SPAM1: variants seen among roughly 807,000 people sequenced by gnomAD.
SPAM1 encodes sperm adhesion molecule 1, also known as hyaluronidase PH-20.
Under a neutral mutation model 29.6 loss-of-function variants are expected in SPAM1, and 22 were observed. The ratio of observed to expected loss-of-function variants is 0.74; its 90% confidence interval spans 0.53 to 1.06. SPAM1 has a LOEUF of 1.06. Among genes scored for constraint, SPAM1 ranks in the 50% least tolerant of loss-of-function variants. The pLI, the probability that SPAM1 is intolerant of heterozygous loss-of-function variation, is 0.00. For missense variants in SPAM1, 534 were observed against 604.0 expected (o/e 0.88, Z 1.21); for synonymous variants, 194 against 204.6 (o/e 0.95, Z 0.44).
chr7:123,961,460 C>T (rs1250776447), downstream of SPAM1, among the ~76,000 whole-genome samples: 3 of 151,852 alleles, frequency 2.0e-5, no homozygotes, highest in African/African-American at 7.2e-5. Flanking sequence ...AGATAATGGC[C>T]TCTAGTTCCA....
Position 123,953,916 on chromosome 7 carries a change from C to A in SPAM1, c.346C>A (p.Gln116Lys), listed in dbSNP as rs754816633. The A allele has an allele frequency of 6.2e-7, 1 of 1,613,690 alleles. No individual in the cohort carries two copies. Among genetic ancestry groups the A allele is most frequent in the Non-Finnish European group, 8.5e-7 (1 of 1,179,786 alleles). ...AGTAACTGTGAATGGAGGAATCCCC[C>A]AGAAGATTTCCTTACAAGACCATCT... ...TGVTVNGGIP[Q>K]KISLQDHLDK... The change falls in exon 3 of 5, where the codon CAG becomes AAG. Residue 116 changes from glutamine to lysine, a missense_variant. By Grantham distance (53) the Gln-to-Lys change is moderately conservative (BLOSUM62 1). Coordinates refer to ENST00000682466, the MANE Select transcript of SPAM1 (RefSeq NM_153189.3).
At chr7:123,954,846 G>T in intron 3 of SPAM1, 151 bp from the exon 4 acceptor site, 1 of 599,556 alleles carries the variant, frequency 1.7e-6, no homozygotes, top group Non-Finnish European at 3.0e-6. Context: ...TTGTTTTATA[G>T]TAAGGCAATG....
intron 1 of SPAM1, among the ~76,000 whole-genome samples, chr7:123,936,373 T>C (rs1200988255): frequency 2.0e-5 from 3 of 152,192 alleles, no homozygotes; most frequent in Non-Finnish European, 4.4e-5. Context: ...GAAATTTTAT[T>C]CTTTGGTAAA....
intron 1 of SPAM1, among the ~76,000 whole-genome samples, chr7:123,933,869 A>T (rs73720308): frequency 1.3e-5 from 2 of 152,098 alleles, no homozygotes; most frequent in African/African-American, 2.4e-5. Flanking sequence ...GACCATATAT[A>T]TATATACCAT....
intron 1 of SPAM1, among the ~76,000 whole-genome samples, chr7:123,928,001 C>G (rs549105955): frequency 6.6e-6 from 1 of 152,182 alleles, no homozygotes; most frequent in African/African-American, 2.4e-5. Context: ...TATGGGGTGA[C>G]GGCGCATTGT....
At chr7:123,965,256 G>C (rs1302334151) in intron 5 of SPAM1, among the ~76,000 whole-genome samples, 1 of 151,904 alleles carries the variant, frequency 6.6e-6, no homozygotes, top group Non-Finnish European at 1.5e-5. Context: ...AAGGGAACTA[G>C]TTCCTATTCC....
chr7:123,960,590 A>T (rs1394798731), downstream of SPAM1, among the ~76,000 whole-genome samples: 1 of 151,778 alleles, frequency 6.6e-6, no homozygotes, highest in African/African-American at 2.4e-5. Context: ...TTAACCTTCG[A>T]CTCTCTTTTA....
downstream of SPAM1, among the ~76,000 whole-genome samples, chr7:123,960,261 G>T (rs1006750544): frequency 6.6e-6 from 1 of 151,860 alleles, no homozygotes; most frequent in African/African-American, 2.4e-5. Context: ...AAAACTGCCA[G>T]GATTGTTTTA....
chr7:123,962,406 A>G (rs1467844057), downstream of SPAM1, among the ~76,000 whole-genome samples: 1 of 151,968 alleles, frequency 6.6e-6, no homozygotes, highest in African/African-American at 2.4e-5. Flanking sequence ...TATTTTATAT[A>G]TTAATCAATT....
intron 4 of SPAM1, among the ~76,000 whole-genome samples, chr7:123,959,101 C>G (rs1408709786): frequency 1.3e-5 from 2 of 151,970 alleles, no homozygotes; most frequent in Non-Finnish European, 2.9e-5. Context: ...AAGAAATTCC[C>G]AAGTTCCTAC....
intron 1 of SPAM1, among the ~76,000 whole-genome samples, chr7:123,937,778 G>A (rs957789441): frequency 3.9e-5 from 6 of 152,112 alleles, no homozygotes; most frequent in African/African-American, 1.4e-4. Context: ...TGGAAATAAA[G>A]CCTCAATTCT....
At chr7:123,926,734 T>A (rs1450166790) in intron 1 of SPAM1, among the ~76,000 whole-genome samples, 2 of 152,138 alleles carry the variant, frequency 1.3e-5, no homozygotes, top group Non-Finnish European at 2.9e-5. Flanking sequence ...GTTTAAAGAT[T>A]TTCTGGCTGA....
chr7:123,951,344 A>G (rs1293221815), intron 2 of SPAM1, among the ~76,000 whole-genome samples: 1 of 151,984 alleles, frequency 6.6e-6, no homozygotes, highest in African/African-American at 2.4e-5. Context: ...CTAATAACTT[A>G]GTCTGTCTAG....
intron 2 of SPAM1, among the ~76,000 whole-genome samples, chr7:123,952,930 A>C (rs1792148715): frequency 6.6e-6 from 1 of 151,968 alleles, no homozygotes; most frequent in Admixed American, 6.6e-5. Flanking sequence ...GAAAAAAAGA[A>C]AGAAAGAGAA....
At chr7:123,944,755 C>T (rs1305910446) in intron 1 of SPAM1, among the ~76,000 whole-genome samples, 2 of 152,050 alleles carry the variant, frequency 1.3e-5, no homozygotes, top group African/African-American at 4.8e-5. Context: ...AAAAAACTTA[C>T]AGTAGCTGAA....
rs1216127730 is a variant in SPAM1 at position 123,938,372 on chromosome 7, T to A, written c.-318-11500T>A. ...ATAAGATTTTTAAACAAGTCACCTA[T>A]CCTAAGGAAAAATTCAGTCTGCATC... On this transcript the variant is annotated intron_variant, in intron 1 of 4. Transcript: ENST00000682466. Among the ~76,000 whole-genome samples the A allele has an allele frequency of 2.0e-5, 3 of 152,158 alleles. No homozygotes were observed. In the East Asian group the frequency reaches 5.8e-4, roughly 29 times the overall value.
intron 1 of SPAM1, among the ~76,000 whole-genome samples, chr7:123,938,019 G>A (rs576033414): frequency 6.6e-6 from 1 of 152,014 alleles, no homozygotes; most frequent in East Asian, 1.9e-4. Context: ...AAGAATGGTG[G>A]CAGTTGGTGC....
At chr7:123,955,786 T>C (rs1792236359) in intron 4 of SPAM1, among the ~76,000 whole-genome samples, 1 of 151,978 alleles carries the variant, frequency 6.6e-6, no homozygotes, top group Non-Finnish European at 1.5e-5. Context: ...TTTGCATAAC[T>C]CTTTTGTCTT....
At chr7:123,970,244 T>C in exon 6 of SPAM1, 1 of 1,548,936 alleles carries the variant, frequency 6.5e-7, no homozygotes, top group South Asian at 1.2e-5. Context: ...ATTGGTTTCT[T>C]CTGAGAGTCA....
Sources: gnomAD v4.1 joint callset for allele counts (sites outside exome capture counted in the v4.1 genomes callset) on GRCh38, gnomAD v4.1.1 for gene constraint, MANE v1.5 for transcripts, NCBI Gene and HGNC (gene_info 2026-07-23, HGNC 2026-07-21) for gene names.